The following EXOC4 variants were observed in gnomAD, a reference collection of about 807,000 sequenced individuals.
EXOC4 encodes SEC8-like 1.
In EXOC4, 71 loss-of-function variants were observed where a neutral mutation model predicts 107.2. The ratio of observed to expected loss-of-function variants is 0.66; its 90% CI spans 0.55 to 0.81. The LOEUF is 0.81. Among genes scored for constraint, EXOC4 ranks in the 30% least tolerant of loss-of-function variants. EXOC4 has a pLI of 0.00. For synonymous variants in EXOC4, 456 were observed against 441.2 expected (o/e 1.03, Z -0.42); for missense variants, 1,108 against 1,189.6 (o/e 0.93, Z 1.01).
At chr7:133,559,246 A>G (rs1800761972) in intron 9 of EXOC4, among the ~76,000 whole-genome samples, 1 of 152,064 alleles carries the variant, frequency 6.6e-6, no homozygotes, top group Non-Finnish European at 1.5e-5. Context: ...GTTATCTGTT[A>G]CTATGCAAAT....
intron 10 of EXOC4, among the ~76,000 whole-genome samples, chr7:133,734,207 CA>C (rs999236916): frequency 6.6e-6 from 1 of 152,184 alleles, no homozygotes; most frequent in Admixed American, 6.5e-5. Flanking sequence ...CTTCCGTTAG[CA>C]GCCCAGAGTG....
intron 10 of EXOC4, among the ~76,000 whole-genome samples, chr7:133,710,659 CAGAA>C (rs1794871177): frequency 6.2e-5 from 2 of 32,302 alleles, no homozygotes. Context: ...GACTCTGTCT[CAGAA>C]AAAAAAAAAA....
At chr7:133,824,745 C>T (rs1797657641) in intron 11 of EXOC4, among the ~76,000 whole-genome samples, 2 of 152,094 alleles carry the variant, frequency 1.3e-5, no homozygotes, top group South Asian at 2.1e-4. Flanking sequence ...ATTTTTGGCT[C>T]TGGCAGCGTA....
At chr7:133,973,104 A>G (rs1290979259) in intron 14 of EXOC4, among the ~76,000 whole-genome samples, 8 of 152,224 alleles carry the variant, frequency 5.3e-5, no homozygotes, top group Non-Finnish European at 1.2e-4. Flanking sequence ...CAAATAACAC[A>G]GTACCAGCTC....
chr7:133,629,860 C>T (rs959011121), intron 9 of EXOC4, among the ~76,000 whole-genome samples, 185 bp from the exon 10 acceptor site: 1 of 151,958 alleles, frequency 6.6e-6, no homozygotes, highest in African/African-American at 2.4e-5. Flanking sequence ...AAATTCTAAT[C>T]TGTTGTTTAT....
chr7:133,345,707 C>A (rs541896857), intron 5 of EXOC4, among the ~76,000 whole-genome samples: 3 of 152,278 alleles, frequency 2.0e-5, no homozygotes, highest in Non-Finnish European at 4.4e-5. Flanking sequence ...TCCCTCTTGG[C>A]CCACTTTCAC....
At chr7:134,093,387 A>T in the EXOC4 span, among the ~76,000 whole-genome samples, 2 of 152,246 alleles carry the variant, frequency 1.3e-5, no homozygotes, top group Admixed American at 1.3e-4. Context: ...TTCTAAATAT[A>T]TATGCACCCA....
intron 10 of EXOC4, among the ~76,000 whole-genome samples, chr7:133,777,286 AGAGAGAGAGAGAGAGAGAG>A (rs1796366042): frequency 4.3e-4 from 65 of 149,588 alleles, no homozygotes; most frequent in African/African-American, 1.1e-3. Flanking sequence ...AGAAAGAGAG[AGAGAGAGAGAGAGAGAGAG>A]AGAGAGAGAG....
chr7:133,865,742 G>A (rs949663892), intron 11 of EXOC4, among the ~76,000 whole-genome samples: 1 of 152,158 alleles, frequency 6.6e-6, no homozygotes, highest in Non-Finnish European at 1.5e-5. Context: ...AAAGAGGGAA[G>A]TGCTACCACT....
intron 5 of EXOC4, among the ~76,000 whole-genome samples, chr7:133,330,209 T>C (rs1025160574): frequency 6.6e-6 from 1 of 152,128 alleles, no homozygotes; most frequent in Admixed American, 6.5e-5. Context: ...TGCAGTGGCA[T>C]TGTTTACTCT....
At chr7:133,263,034 T>G (rs1795188405) in intron 1 of EXOC4, among the ~76,000 whole-genome samples, 1 of 152,182 alleles carries the variant, frequency 6.6e-6, no homozygotes, top group South Asian at 2.1e-4. Context: ...CTGCACAAGC[T>G]CTCTCTTGCC....
chr7:133,673,685 G>T (rs912707421), intron 10 of EXOC4, among the ~76,000 whole-genome samples: 2 of 152,166 alleles, frequency 1.3e-5, no homozygotes, highest in African/African-American at 4.8e-5. Context: ...CGTTAGCATA[G>T]AGGTAAATCT....
chr7:133,931,228 A>T (rs997665008), intron 13 of EXOC4, among the ~76,000 whole-genome samples: 49 of 152,294 alleles, frequency 3.2e-4, no homozygotes, highest in African/African-American at 1.2e-3. Context: ...CAGGGTGCCT[A>T]GCCGGTTTTA....
intron 17 of EXOC4, among the ~76,000 whole-genome samples, chr7:134,026,288 C>T (rs1490509293): frequency 1.3e-5 from 2 of 151,550 alleles, no homozygotes; most frequent in Non-Finnish European, 2.9e-5. Flanking sequence ...CAGACTTATA[C>T]TCATAGCTGG....
At chr7:133,464,816 T>TTTG (rs1798685419) in intron 7 of EXOC4, among the ~76,000 whole-genome samples, 1 of 112,090 alleles carries the variant, frequency 8.9e-6, no homozygotes, top group African/African-American at 3.4e-5. Context: ...GGTTGGTTTT[T>TTTG]TTTTTTTTTT....
chr7:133,379,858 T>A (rs1416237998), intron 7 of EXOC4, among the ~76,000 whole-genome samples: 2 of 152,178 alleles, frequency 1.3e-5, no homozygotes, highest in Non-Finnish European at 2.9e-5. Flanking sequence ...ACCCATTATT[T>A]CATAATAAAG....
chr7:133,407,250 C>G (rs1366325559), intron 7 of EXOC4, among the ~76,000 whole-genome samples: 1 of 152,112 alleles, frequency 6.6e-6, no homozygotes, highest in Non-Finnish European at 1.5e-5. Flanking sequence ...ATAAGAATCC[C>G]CCTACTCTTA....
intron 11 of EXOC4, among the ~76,000 whole-genome samples, chr7:133,846,018 TC>T (rs1434851973): frequency 1.3e-5 from 2 of 151,336 alleles, no homozygotes; most frequent in Admixed American, 1.3e-4. Context: ...ATCCTCACAG[TC>T]CCCCACACAC....
chr7:133,658,493 T>A (rs1297390988), intron 10 of EXOC4, among the ~76,000 whole-genome samples: 2 of 152,176 alleles, frequency 1.3e-5, no homozygotes. Flanking sequence ...ATGGGGCTCA[T>A]GTTGCCCATG....
Sources: gnomAD v4.1 joint callset for allele counts (sites outside exome capture counted in the v4.1 genomes callset) on GRCh38, gnomAD v4.1.1 for gene constraint, MANE v1.5 for transcripts, NCBI Gene and HGNC (gene_info 2026-07-23, HGNC 2026-07-21) for gene names.